Variants in FSTL5 observed in about 807,000 individuals in gnomAD.
FSTL5 encodes the protein follistatin like 5, also known as follistatin-related protein 5.
In FSTL5, 62 loss-of-function variants were observed where a neutral mutation model predicts 89.1. The observed-to-expected ratio is 0.70, with a 90% CI of 0.57 to 0.86. The LOEUF (loss-of-function observed/expected upper bound fraction) is 0.86, where lower values mean the gene tolerates loss of function less well. Among genes scored for constraint, FSTL5 ranks in the 40% least tolerant of loss-of-function variants. The pLI, the probability that FSTL5 is intolerant of heterozygous loss-of-function variation, is 0.00. For synonymous variants in FSTL5, 383 were observed against 346.2 expected, an observed-to-expected ratio of 1.11 and a Z score of -1.18; for missense variants, 1,057 against 1,001.6, an observed-to-expected ratio of 1.06 and a Z score of -0.75.
intron 7 of FSTL5, among the ~76,000 whole-genome samples, chr4:161,598,747 A>C (rs1395704971): frequency 1.3e-5 from 2 of 152,166 alleles, no homozygotes; most frequent in African/African-American, 4.8e-5. Context: ...TCTATTAAGC[A>C]TACAGGGCTG....
At chr4:162,092,594 A>G (rs1730590445) in intron 2 of FSTL5, among the ~76,000 whole-genome samples, 1 of 152,144 alleles carries the variant, frequency 6.6e-6, no homozygotes, top group East Asian at 1.9e-4. Flanking sequence ...AAGTTTGATA[A>G]GTAGAATAAG....
intron 12 of FSTL5, among the ~76,000 whole-genome samples, chr4:161,488,837 G>T (rs1578872854): frequency 6.6e-6 from 1 of 152,150 alleles, no homozygotes; most frequent in South Asian, 2.1e-4. Context: ...AGTTTGCTGT[G>T]CATGTTCAAG....
intron 15 of FSTL5, among the ~76,000 whole-genome samples, chr4:161,449,476 CAA>C (rs538955006): frequency 5.3e-4 from 80 of 152,160 alleles, no homozygotes; most frequent in Non-Finnish European, 1.0e-3. Flanking sequence ...GTAAGCCTTT[CAA>C]GACATCTCAA....
chr4:161,914,141 G>GA, intron 4 of FSTL5, among the ~76,000 whole-genome samples: 1 of 152,096 alleles, frequency 6.6e-6, no homozygotes, highest in Non-Finnish European at 1.5e-5. Flanking sequence ...CAAAGTAGAA[G>GA]AAAAAATATT....
intron 13 of FSTL5, among the ~76,000 whole-genome samples, chr4:161,473,333 C>T (rs1734014629): frequency 6.6e-6 from 1 of 151,780 alleles, no homozygotes; most frequent in African/African-American, 2.4e-5. Context: ...TTAGTATTAA[C>T]TATATGAATG....
At chr4:161,645,531 A>C (rs1397198471) in intron 7 of FSTL5, among the ~76,000 whole-genome samples, 1 of 152,150 alleles carries the variant, frequency 6.6e-6, no homozygotes, top group Non-Finnish European at 1.5e-5. Flanking sequence ...GCAGTACTCT[A>C]ATAAATCAGG....
chr4:161,737,688 C>A (rs1739865788), intron 6 of FSTL5, among the ~76,000 whole-genome samples: 1 of 151,752 alleles, frequency 6.6e-6, no homozygotes, highest in African/African-American at 2.4e-5. Flanking sequence ...TAAGCAAAAC[C>A]TATGTATGTA....
intron 6 of FSTL5, among the ~76,000 whole-genome samples, chr4:161,714,675 TAGAAAGAAGC>T (rs1432475912): frequency 1.3e-5 from 2 of 152,164 alleles, no homozygotes; most frequent in Admixed American, 6.5e-5. Context: ...CAATCTCTTC[TAGAAAGAAGC>T]AAACAGAAAA....
At position 161,459,289 on chromosome 4, in the gene FSTL5, A is replaced by G. The variant is rs1444731808; in HGVS notation, c.1639T>C (p.Leu547=). The G allele has an allele frequency of 1.9e-6, 3 of 1,613,352 alleles. No homozygotes were observed. The East Asian group carries it at 6.7e-5, about 36-fold the overall frequency. ...TGATCATGTGATTTGTCATAGTGTA[A>G]TTTAACTGGGACAGGGTCTGTGCTC... ...AVSTDPVPVK[L]HYDKSHDQVW... Residue 547 remains leucine, a synonymous_variant, in exon 14 of 16, where the codon TTA becomes CTA. Coordinates refer to ENST00000306100, the MANE Select transcript of FSTL5 (RefSeq NM_020116.5).
At chr4:161,532,048 C>CA (rs1446963218) in intron 10 of FSTL5, among the ~76,000 whole-genome samples, 1 of 151,368 alleles carries the variant, frequency 6.6e-6, no homozygotes, top group African/African-American at 2.4e-5. Context: ...ACTAAAAATA[C>CA]AAAAAAATTA....
chr4:161,642,580 T>C (rs1048429225), intron 7 of FSTL5, among the ~76,000 whole-genome samples: 1 of 152,138 alleles, frequency 6.6e-6, no homozygotes, highest in Admixed American at 6.5e-5. Context: ...GGTTACGATA[T>C]ATAAGGAAGA....
intron 15 of FSTL5, among the ~76,000 whole-genome samples, chr4:161,430,924 GA>G (rs1010002084): frequency 9.3e-5 from 14 of 150,004 alleles, no homozygotes; most frequent in African/African-American, 1.7e-4. Flanking sequence ...TAGTGCTGAA[GA>G]AAAAAAAATG....
chr4:161,553,464 T>C (rs1732282334), intron 8 of FSTL5, among the ~76,000 whole-genome samples: 5 of 151,438 alleles, frequency 3.3e-5, no homozygotes, highest in Admixed American at 2.6e-4. Context: ...GATAATAATA[T>C]ATAGCTATTC....
At chr4:162,049,744 T>A (rs546270066) in intron 2 of FSTL5, among the ~76,000 whole-genome samples, 6 of 152,174 alleles carry the variant, frequency 3.9e-5, no homozygotes, top group South Asian at 4.1e-4. Flanking sequence ...ACAATTTCCA[T>A]ACAAGAGAAA....
At chr4:161,996,644 C>G (rs569230499) in intron 3 of FSTL5, among the ~76,000 whole-genome samples, 1 of 152,314 alleles carries the variant, frequency 6.6e-6, no homozygotes, top group East Asian at 1.9e-4. Context: ...TAATACTTTT[C>G]CTGCCTTCAG....
intron 6 of FSTL5, among the ~76,000 whole-genome samples, chr4:161,715,490 T>C (rs1013840169): frequency 6.6e-6 from 1 of 152,164 alleles, no homozygotes; most frequent in Admixed American, 6.5e-5. Context: ...TCTTCCTGAC[T>C]TTTAGACAGT....
intron 8 of FSTL5, among the ~76,000 whole-genome samples, chr4:161,563,054 G>C (rs1325530441): frequency 1.3e-5 from 2 of 151,930 alleles, no homozygotes; most frequent in Non-Finnish European, 2.9e-5. Flanking sequence ...GGGCTACAAG[G>C]TCACATGGTG....
chr4:161,970,458 G>A (rs1304825815), intron 3 of FSTL5, among the ~76,000 whole-genome samples: 2 of 152,026 alleles, frequency 1.3e-5, no homozygotes, highest in African/African-American at 2.4e-5. Context: ...GTTTTGAAAT[G>A]CAATACTGAG....
intron 1 of FSTL5, among the ~76,000 whole-genome samples, chr4:162,148,208 T>C (rs891169307): frequency 6.6e-6 from 1 of 152,166 alleles, no homozygotes; most frequent in Non-Finnish European, 1.5e-5. Flanking sequence ...AACCTTCCCA[T>C]GTTAGGTGAC....
Sources: allele counts gnomAD v4.1 joint callset (sites outside exome capture counted in the v4.1 genomes callset), GRCh38; gene constraint gnomAD v4.1.1; transcripts MANE v1.5; gene names NCBI Gene and HGNC (gene_info 2026-07-23, HGNC 2026-07-21).